ZNF837: variants seen among roughly 807,000 people sequenced by gnomAD.
ZNF837 encodes zinc finger protein 837.
For missense variants in ZNF837, 955 were observed against 801.7 expected (o/e 1.19, Z -2.31); for synonymous variants, 475 against 365.2 (o/e 1.30, Z -3.43).
At position 58,368,580 on chromosome 19, in the gene ZNF837, C is replaced by T; in HGVS notation, c.753G>A (p.Glu251=). 5 of 1,536,352 alleles carry T rather than the reference C, an allele frequency of 3.3e-6. No homozygotes were observed. The highest frequency in any genetic ancestry group is 2.0e-5 in the Admixed American group (1 of 50,782). ...GGCGAGGTCGCGAGGTTTGGCCGCA[C>T]TCAGGACACACTGGGGGACTCTTGC... ...QAGKSPPVCP[E]CGQTSRPRPI... Residue 251 remains glutamate (E), a synonymous_variant, in exon 3 of 3, where the codon GAG becomes GAA. Coordinates refer to ENST00000597582, the MANE Select transcript of ZNF837 (RefSeq NM_138466.2).
Position 58,369,579 on chromosome 19 carries a change from T to C in ZNF837, c.-29-218A>G, listed in dbSNP as rs543108770. 3.2e-5 allele frequency: 12 copies of C among 377,970 alleles called. No homozygotes were observed. The East Asian group carries it at 4.6e-4, about 14-fold the overall frequency. 23.4% of individuals were successfully genotyped at this position (377,970 alleles called of 1,614,324 possible). A position where few individuals can be genotyped will look rare whatever the true frequency, so the allele number is the denominator to read the frequency against. On this transcript the variant is annotated intron_variant, in intron 2 of 2. Transcript: ENST00000597582. ...AGAGAACAGCTTCCCAGGCTCTGCC[T>C]GCCCGCCATCACCGTTCCTCCCCAA... is the stretch of plus-strand genomic sequence containing the variant.
At position 58,368,816 on chromosome 19, in the gene ZNF837, CT is replaced by C; in HGVS notation, c.516del (p.Thr174LeufsTer233). On this transcript the variant is annotated frameshift_variant, in exon 3 of 3. Coordinates refer to ENST00000597582, the MANE Select transcript of ZNF837 (RefSeq NM_138466.2). LOFTEE classifies it low-confidence loss of function (END_TRUNC). ...CTCGGGCAGGTCGGAGCGCCAGTCCCTGGTTGGCACGGCCAACAGTCCGTGT... is the reference window on the plus strand; with the variant it reads ...CTCGGGCAGGTCGGAGCGCCAGTCCCGGTTGGCACGGCCAACAGTCCGTGT... ...EVHTDCWPCQPGTGAPTCPRT... is the reference protein window; with the variant it reads ...EVHTDCWPCQXGTGAPTCPRT... 1 of 1,546,456 alleles carries C rather than the reference CT, an allele frequency of 6.5e-7. No homozygotes were observed.
chr19:58,373,461 G>A (rs891485369), intron 1 of ZNF837, among the ~76,000 whole-genome samples: 2 of 152,226 alleles, frequency 1.3e-5, no homozygotes, highest in Non-Finnish European at 2.9e-5. Context: ...AGAGTGACCT[G>A]TCACCTCCCA....
intron 1 of ZNF837, among the ~76,000 whole-genome samples, chr19:58,371,776 C>T (rs1012073537): frequency 6.6e-6 from 1 of 152,200 alleles, no homozygotes; most frequent in Non-Finnish European, 1.5e-5. Flanking sequence ...GGCTGCAGTG[C>T]AGTGGCGCCA....
At chr19:58,377,623 G>C (rs1279185273) in intron 1 of ZNF837, among the ~76,000 whole-genome samples, 1 of 152,188 alleles carries the variant, frequency 6.6e-6, no homozygotes, top group African/African-American at 2.4e-5. Context: ...GGGCAACACA[G>C]TGAGACCACA....
Position 58,368,726 on chromosome 19 carries a change from C to G in ZNF837, c.607G>C (p.Gly203Arg). 2 of 1,536,622 alleles carry G rather than the reference C, an allele frequency of 1.3e-6. No individual in the cohort carries two copies. The highest frequency in any genetic ancestry group is 1.7e-6 in the Non-Finnish European group (2 of 1,146,202). The change falls in exon 3 of 3, where the codon GGC becomes CGC. Residue 203 changes from glycine to arginine, a missense_variant. By Grantham distance (125) the Gly-to-Arg change is moderately radical. Transcript: ENST00000597582. Reference protein sequence around the residue: ...LVEQPRACACGEAFAWRALRI... With the variant: ...LVEQPRACACREAFAWRALRI... The stretch of plus-strand genomic sequence containing the variant: ...AGGGCCCTCCACGCAAAGGCCTCGC[C>G]GCACGCGCAAGCCCGGGGCTGCTCC...
intron 1 of ZNF837, among the ~76,000 whole-genome samples, chr19:58,375,118 G>T (rs1249150614): frequency 1.4e-5 from 2 of 147,906 alleles, no homozygotes; most frequent in African/African-American, 5.0e-5. Context: ...AATTAGCCAG[G>T]TGTGGTGGCA....
At position 58,368,178 on chromosome 19, in the gene ZNF837, G is replaced by A. The variant is rs1473383941; in HGVS notation, c.1155C>T (p.His385=). 3 of 1,583,982 alleles carry A rather than the reference G, an allele frequency of 1.9e-6. No individual in the cohort carries two copies. Among genetic ancestry groups the A allele is most frequent in the Non-Finnish European group, 2.6e-6 (3 of 1,167,082 alleles). ...GGCACGCGTAGGGCTTCTCGCCGGT[G>A]TGCACGCGCCGGTGCTCCACGAGGT... ...FSHLVEHRRV[H]TGEKPYACPE... The change falls in exon 3 of 3, where the codon CAC becomes CAT. Residue 385 remains histidine (H), a synonymous_variant. Coordinates refer to ENST00000597582, the MANE Select transcript of ZNF837 (RefSeq NM_138466.2).
intron 1 of ZNF837, among the ~76,000 whole-genome samples, chr19:58,371,430 A>G (rs902426785): frequency 2.0e-5 from 3 of 151,942 alleles, no homozygotes; most frequent in African/African-American, 4.8e-5. Context: ...ATAAATAAAT[A>G]TTTTCCTCAT....
At chr19:58,369,752 C>G (rs371486430) in intron 2 of ZNF837, 67 bp downstream of exon 2, 1 of 159,280 alleles carries the variant, frequency 6.3e-6, no homozygotes. Context: ...AGCCGACACT[C>G]CGGGTCCTCC....
rs928291982 is a variant in ZNF837, at chr19:58,368,341, A to G, written c.992T>C (p.Val331Ala). ...HSAERHRRGP[V>A]LARRAFRLGC... ...CAGCCGGAAGGCGCGCCGCGCCAGGACGGGGCCACGCCGGTGGCGCTCGGC... is the reference window on the plus strand; with the variant it reads ...CAGCCGGAAGGCGCGCCGCGCCAGGGCGGGGCCACGCCGGTGGCGCTCGGC... The change falls in exon 3 of 3, where the codon GTC becomes GCC. Residue 331 changes from valine to alanine, a missense_variant. Physicochemically the swap from Val to Ala is moderately conservative, Grantham distance 64. Transcript: ENST00000597582. 2 of 1,522,192 alleles carry G rather than the reference A, an allele frequency of 1.3e-6. No individual in the cohort carries two copies. 94.3% of individuals were successfully genotyped at this position (1,522,192 alleles called of 1,614,324 possible). A position where few individuals can be genotyped will look rare whatever the true frequency, so the allele number is the denominator to read the frequency against.
intron 1 of ZNF837, among the ~76,000 whole-genome samples, chr19:58,376,143 T>C (rs2052243319): frequency 6.6e-6 from 1 of 152,008 alleles, no homozygotes; most frequent in Non-Finnish European, 1.5e-5. Flanking sequence ...GGTCTCAAAC[T>C]CCTGGCCTCA....
rs377691079 is a variant in ZNF837 at position 58,368,013 on chromosome 19, C to T, written c.1320G>A (p.Ala440=). The T allele has an allele frequency of 1.1e-4, 173 of 1,532,332 alleles. No individual in the cohort carries two copies. In the East Asian group the frequency reaches 3.3e-3, roughly 29 times the overall value. The allele number at this position is 1,532,332 out of a possible 1,614,324, so 94.9% of individuals were successfully genotyped here. Residue 440 remains alanine, a synonymous_variant, in exon 3 of 3, where the codon GCG becomes GCA. Transcript: ENST00000597582. ...GRSGLVQHQR[A]HTGERPYGCS... The stretch of plus-strand genomic sequence containing the variant: ...AGCCATAGGGCCGCTCGCCGGTGTG[C>T]GCGCGCTGGTGTTGCACCAGGCCCG...
chr19:58,368,331 C>T lies in ZNF837; in HGVS notation c.1002G>A (p.Arg334=). The stretch of plus-strand genomic sequence containing the variant: ...GCGGGCACCCCAGCCGGAAGGCGCG[C>T]CGCGCCAGGACGGGGCCACGCCGGT... ...ERHRRGPVLA[R]RAFRLGCPPC... is the part of the protein sequence containing the mutation. Residue 334 remains arginine (R), a synonymous_variant, in exon 3 of 3, where the codon CGG becomes CGA. Transcript: ENST00000597582. The T allele has an allele frequency of 6.6e-7, 1 of 1,505,914 alleles. No homozygotes were observed. The highest frequency in any genetic ancestry group is 8.8e-7 in the Non-Finnish European group (1 of 1,135,126). 93.3% of individuals were successfully genotyped at this position (1,505,914 alleles called of 1,614,324 possible). A position where few individuals can be genotyped will look rare whatever the true frequency, so the allele number is the denominator to read the frequency against.
chr19:58,377,211 C>T (rs548966583), intron 1 of ZNF837, among the ~76,000 whole-genome samples: 6 of 98,916 alleles, frequency 6.1e-5, no homozygotes, highest in South Asian at 6.9e-4. Flanking sequence ...AGCGAGACTC[C>T]GTCAAAAAAA....
In ZNF837 at chr19:58,368,750, C is replaced by G; in HGVS notation, c.583G>C (p.Glu195Gln). The change falls in exon 3 of 3, where the codon GAG (glutamate) becomes CAG (glutamine). Residue 195 changes from glutamate to glutamine, a missense_variant. Physicochemically the swap from Glu to Gln is conservative, Grantham distance 29. Coordinates refer to ENST00000597582, the MANE Select transcript of ZNF837 (RefSeq NM_138466.2). ...CCGCACGCGCAAGCCCGGGGCTGCTCCACCAAGGGGTTCCTCCCGCGGGAG... is the reference window on the plus strand; with the variant it reads ...CCGCACGCGCAAGCCCGGGGCTGCTGCACCAAGGGGTTCCTCCCGCGGGAG... Reference protein sequence around the residue: ...PTSRGRNPLVEQPRACACGEA... With the variant: ...PTSRGRNPLVQQPRACACGEA... The G allele has an allele frequency of 1.3e-6, 2 of 1,539,802 alleles. No individual in the cohort carries two copies. The highest frequency in any genetic ancestry group is 1.7e-6 in the Non-Finnish European group (2 of 1,146,598).
In ZNF837 at chr19:58,368,213, G is replaced by T. The variant is rs955867659; in HGVS notation, c.1120C>A (p.Leu374Met). The T allele has an allele frequency of 5.8e-6, 9 of 1,543,228 alleles. No individual in the cohort carries two copies. In the African/African-American group the frequency reaches 1.1e-4, roughly 19 times the overall value. Reference sequence around the variant, plus strand: ...CGGTGCTCCACGAGGTGCGAGAACAGCCCGAAGGCCTTGGCGCAGTCGGCG... The same window carrying T: ...CGGTGCTCCACGAGGTGCGAGAACATCCCGAAGGCCTTGGCGCAGTCGGCG... ...ECADCAKAFG[L>M]FSHLVEHRRV... The change falls in exon 3 of 3, where the codon CTG (leucine) becomes ATG (methionine). Residue 374 changes from leucine (L) to methionine (M), a missense_variant. Transcript: ENST00000597582.
rs561491620 is a variant in ZNF837 at position 58,378,336 on chromosome 19, C to T, written c.-140+2605G>A. ...CAGGATCTGGACCTCTCTGACACAACTCCAGGTCACAGAGACCCAGATGTC... is the reference window on the plus strand; with the variant it reads ...CAGGATCTGGACCTCTCTGACACAATTCCAGGTCACAGAGACCCAGATGTC... On this transcript the variant is annotated intron_variant, in intron 1 of 2. Transcript: ENST00000597582. Among the ~76,000 whole-genome samples, 3 of 152,330 alleles carry T rather than the reference C, an allele frequency of 2.0e-5. No homozygotes were observed. The East Asian group carries it at 5.8e-4, about 29-fold the overall frequency.
At chr19:58,371,794 T>G (rs1356219531) in intron 1 of ZNF837, among the ~76,000 whole-genome samples, 1 of 152,194 alleles carries the variant, frequency 6.6e-6, no homozygotes, top group African/African-American at 2.4e-5. Context: ...CCATCTCAGC[T>G]CACTGCAACC....
Sources: allele counts gnomAD v4.1 joint callset (sites outside exome capture counted in the v4.1 genomes callset), GRCh38; gene constraint gnomAD v4.1.1; transcripts MANE v1.5; gene names NCBI Gene and HGNC (gene_info 2026-07-23, HGNC 2026-07-21).